Variants in TUBGCP2 observed in about 807,000 individuals in gnomAD.
TUBGCP2 encodes the protein gamma-tubulin complex component 2.
Under a neutral mutation model 92.2 loss-of-function variants are expected in TUBGCP2, and 55 were observed. That is an observed-to-expected ratio of 0.60 (90% CI 0.48 to 0.75). TUBGCP2 has a LOEUF of 0.75. Ranked by LOEUF, TUBGCP2 falls within the 30% of genes least tolerant of loss-of-function variation. The probability of loss-of-function intolerance (pLI) is 0.00; values close to 1 mark genes in which losing one functional copy is unlikely to be tolerated. For missense variants in TUBGCP2, 1,093 were observed against 1,188.9 expected, an observed-to-expected ratio of 0.92 and a Z score of 1.19; for synonymous variants, 533 against 505.2, an observed-to-expected ratio of 1.06 and a Z score of -0.74.
At position 133,303,597 on chromosome 10, in the gene TUBGCP2, G is replaced by A. The variant is rs139180035; in HGVS notation, c.-39-617C>T. Reference sequence around the variant, plus strand: ...AGCCATTGACACTGTGCCAGCTACCGGCACACACAGTAACATCCCAGCTTC... The same window carrying A: ...AGCCATTGACACTGTGCCAGCTACCAGCACACACAGTAACATCCCAGCTTC... On this transcript the variant is annotated intron_variant, in intron 1 of 17. Transcript: ENST00000252936. Among the ~76,000 whole-genome samples, 6 of 152,318 alleles carry A rather than the reference G, an allele frequency of 3.9e-5. No individual in the cohort carries two copies. The East Asian group carries it at 5.8e-4, about 15-fold the overall frequency.
At position 133,302,668 on chromosome 10, in the gene TUBGCP2, T is replaced by C. The variant is rs562367987; in HGVS notation, c.150+124A>G. The C allele has an allele frequency of 3.0e-5, 36 of 1,185,652 alleles. 1 individual carries two copies. The Admixed American group carries it at 7.6e-4, about 25-fold the overall frequency. 73.4% of individuals were successfully genotyped at this position (1,185,652 alleles called of 1,614,324 possible). On this transcript the variant is annotated intron_variant, in intron 2 of 17. Coordinates refer to ENST00000252936, the MANE Select transcript of TUBGCP2 (RefSeq NM_006659.4). ...TCACCCAGGAATGGTGCTCACCCTG[T>C]ACCACCCTGACCCAGGAACGGCGCT...
chr10:133,284,966 C>T (rs1589822852), intron 13 of TUBGCP2, 119 bp downstream of exon 13: 1 of 1,426,848 alleles, frequency 7.0e-7, no homozygotes, highest in Non-Finnish European at 9.3e-7. Flanking sequence ...TTCCAGATGA[C>T]ACTTCCAGAA....
intron 15 of TUBGCP2, 50 bp from the exon 16 acceptor site, chr10:133,282,392 T>C: frequency 6.5e-7 from 1 of 1,536,208 alleles, no homozygotes; most frequent in African/African-American, 1.4e-5. Context: ...ACAACCACAA[T>C]GCTTTGCAGA....
At chr10:133,310,688 T>G (rs778032169), upstream of TUBGCP2, 21 of 243,868 alleles carry the variant, frequency 8.6e-5, no homozygotes, top group Admixed American at 2.6e-4. Flanking sequence ...TCACACATCA[T>G]GCAGCCCTGG....
At position 133,285,452 on chromosome 10, in the gene TUBGCP2, G is replaced by T; in HGVS notation, c.1895+4C>A. ...TGGCAGGTGCCCGAGCAGCCGACCC[G>T]CACCTGTTGATGATGAGCGAAAGGG... On this transcript the variant is annotated splice_donor_region_variant and intron_variant, in intron 12 of 17. Coordinates refer to ENST00000252936, the MANE Select transcript of TUBGCP2 (RefSeq NM_006659.4). The surrounding 1 kb of genome is among the most constrained non-coding windows in gnomAD (Gnocchi z 6.8). The T allele has an allele frequency of 1.9e-6, 3 of 1,613,344 alleles. No individual in the cohort carries two copies. Among genetic ancestry groups the T allele is most frequent in the Non-Finnish European group, 2.5e-6 (3 of 1,179,900 alleles).
In TUBGCP2 at chr10:133,292,704, AG is replaced by A; in HGVS notation, c.1025-17del. 5 of 1,609,250 alleles carry A rather than the reference AG, an allele frequency of 3.1e-6. No individual in the cohort carries two copies. Among genetic ancestry groups the A allele is most frequent in the Non-Finnish European group, 4.2e-6 (5 of 1,177,646 alleles). On this transcript the variant is annotated splice_polypyrimidine_tract_variant and intron_variant, in intron 7 of 17. Transcript: ENST00000252936. The stretch of plus-strand genomic sequence containing the variant: ...ACCGAGGTGGCTGTGGGGAGAAAGG[AG>A]GGCTCACTGCTGAGAAGGAAGCGCA...
rs1847122002 is a variant in TUBGCP2, at chr10:133,285,785, A to G, written c.1723-157T>C. On this transcript the variant is annotated intron_variant, in intron 11 of 17. Coordinates refer to ENST00000252936, the MANE Select transcript of TUBGCP2 (RefSeq NM_006659.4). The surrounding 1 kb of genome is among the most constrained non-coding windows in gnomAD (Gnocchi z 6.8). ...AGGCTTTTCAAAAACCCAAACATCT[A>G]CTGATAAATCAAATTCAAAACTGAA... Among the ~76,000 whole-genome samples, 1 of 152,136 alleles carries G rather than the reference A, an allele frequency of 6.6e-6. No individual in the cohort carries two copies. The highest frequency in any genetic ancestry group is 1.5e-5 in the Non-Finnish European group (1 of 68,016).
rs1002963904 is a variant in TUBGCP2 at position 133,281,498 on chromosome 10, ACACTGTTCC to A, written c.2410-71_2410-63del. The A allele has an allele frequency of 1.9e-6, 3 of 1,581,860 alleles. No individual in the cohort carries two copies. In the African/African-American group the frequency reaches 4.0e-5, roughly 21 times the overall value. On this transcript the variant is annotated intron_variant, in intron 16 of 17. Transcript: ENST00000252936. ...CCCCACCGTGGGCCTTCTTGGCTCC[ACACTGTTCC>A]CAGCAGGCCGGTGTCCTTTCCCTTC...
Position 133,283,257 on chromosome 10 carries a change from C to T in TUBGCP2, c.2146-36G>A, listed in dbSNP as rs146900348. ...CAGGCCAAGCCCCTTCTCAGAAAGA[C>T]GTGGCTGACAGACGGGCCCTGCATG... On this transcript the variant is annotated intron_variant, in intron 14 of 17. Coordinates refer to ENST00000252936, the MANE Select transcript of TUBGCP2 (RefSeq NM_006659.4). The T allele has an allele frequency of 2.8e-3, 4,435 of 1,612,582 alleles. 28 individuals are homozygous for T. The highest frequency in any genetic ancestry group is 0.016 in the Middle Eastern group (94 of 6,052).
In TUBGCP2 at chr10:133,293,172, G is replaced by A; in HGVS notation, c.891C>T (p.Arg297=). The A allele has an allele frequency of 6.2e-7, 1 of 1,613,922 alleles. No individual in the cohort carries two copies. Among genetic ancestry groups the A allele is most frequent in the Non-Finnish European group, 8.5e-7 (1 of 1,180,044 alleles). ...QVNHALAAAM[R]TLVKEHLILV... ...GAATCAGGTGCTCCTTCACCAGGGT[G>A]CGCATGGCGGCCGCCAGGGCGTGGT... Residue 297 remains arginine (R), a synonymous_variant, in exon 7 of 18, where the codon CGC becomes CGT. Coordinates refer to ENST00000252936, the MANE Select transcript of TUBGCP2 (RefSeq NM_006659.4).
At chr10:133,306,170 T>G (rs1847813994) in intron 1 of TUBGCP2, among the ~76,000 whole-genome samples, 1 of 152,206 alleles carries the variant, frequency 6.6e-6, no homozygotes. Flanking sequence ...TGGGTCCCAA[T>G]CACTGACAAC....
At chr10:133,310,444 A>G, upstream of TUBGCP2, 1 of 976,232 alleles carries the variant, frequency 1.0e-6, no homozygotes, top group South Asian at 1.6e-5. Context: ...CAACACAGCT[A>G]CAGGTGGTTG....
At chr10:133,310,168 A>C, upstream of TUBGCP2, 6 of 1,613,892 alleles carry the variant, frequency 3.7e-6, no homozygotes, top group Non-Finnish European at 5.1e-6. Context: ...TTTCAGTATC[A>C]GTGCTTGGTA....
intron 13 of TUBGCP2, among the ~76,000 whole-genome samples, chr10:133,284,775 G>A (rs1343764414): frequency 4.0e-4 from 61 of 152,208 alleles, no homozygotes; most frequent in Admixed American, 4.0e-3. Context: ...CTCTCGGGAG[G>A]AGCTAGTGTC....
chr10:133,308,794 G>A (rs2136148755), intron 1 of TUBGCP2, 29 bp downstream of exon 1: 1 of 543,482 alleles, frequency 1.8e-6, no homozygotes, highest in Non-Finnish European at 2.7e-6. Context: ...CCCTCATCAC[G>A]CCCGCGCCCG....
In TUBGCP2 at chr10:133,283,204, G is replaced by A. The variant is rs748473990; in HGVS notation, c.2163C>T (p.Asp721=). Residue 721 remains aspartate (D), a synonymous_variant, in exon 15 of 18, where the codon GAC becomes GAT. Coordinates refer to ENST00000252936, the MANE Select transcript of TUBGCP2 (RefSeq NM_006659.4). ...KNLKSASNID[D]VLGHHTGFLD... The stretch of plus-strand genomic sequence containing the variant: ...GGAAGCCTGTGTGGTGGCCAAGGAC[G>A]TCGTCAATGTTGGAGGCCTGCGGGG... 4.5e-5 allele frequency: 72 copies of A among 1,614,100 alleles called. No individual in the cohort carries two copies. Among genetic ancestry groups the A allele is most frequent in the Middle Eastern group, 1.6e-4 (1 of 6,084 alleles).
rs764650776 is a variant in TUBGCP2, at chr10:133,283,997, G to A, written c.2030C>T (p.Ala677Val). Residue 677 changes from alanine to valine, a missense_variant, in exon 14 of 18, where the codon GCT becomes GTT. Around this residue, in one of 3 missense-constraint regions of TUBGCP2, gnomAD observed 598 missense variants for 675.5 expected, o/e 0.89. Transcript: ENST00000252936. Reference sequence around the variant, plus strand: ...TCGCTGCCGCAGAGTGAAAGCCCCAGCAAACCTGAGTGACACGGAGGACGG... The same window carrying A: ...TCGCTGCCGCAGAGTGAAAGCCCCAACAAACCTGAGTGACACGGAGGACGG... ...QHSLHSAQWF[A>V]GAFTLRQRML... 6.2e-7 allele frequency: 1 copy of A among 1,613,586 alleles called. No homozygotes were observed. The highest frequency in any genetic ancestry group is 8.5e-7 in the Non-Finnish European group (1 of 1,179,856).
rs926155521 is a variant in TUBGCP2, at chr10:133,292,969, C to T, written c.1024+70G>A. ...GCTCCACGGCCCCTGCAGAGTCTCTCCTCACACTGGGTGCCATGTTCAACA... is the reference window on the plus strand; with the variant it reads ...GCTCCACGGCCCCTGCAGAGTCTCTTCTCACACTGGGTGCCATGTTCAACA... On this transcript the variant is annotated intron_variant, in intron 7 of 17. Coordinates refer to ENST00000252936, the MANE Select transcript of TUBGCP2 (RefSeq NM_006659.4). The T allele has an allele frequency of 5.2e-6, 8 of 1,546,532 alleles. No homozygotes were observed. The African/African-American group carries it at 6.8e-5, about 13-fold the overall frequency.
upstream of TUBGCP2, chr10:133,311,708 C>G (rs760047121): frequency 1.2e-6 from 2 of 1,610,364 alleles, no homozygotes; most frequent in Admixed American, 3.3e-5. Flanking sequence ...ACTGCTCTCT[C>G]CCCGCAGCCC....
Sources: gnomAD v4.1 joint callset for allele counts (sites outside exome capture counted in the v4.1 genomes callset) on GRCh38, gnomAD v4.1.1 for gene constraint, gnomAD v4.1.1 regional missense constraint, Gnocchi (gnomAD v3.1) non-coding constraint, MANE v1.5 for transcripts, NCBI Gene and HGNC (gene_info 2026-07-23, HGNC 2026-07-21) for gene names.